The following RPS9 variants were observed in gnomAD, a reference collection of about 807,000 sequenced individuals.
The protein encoded by RPS9 is small ribosomal subunit protein uS4.
In RPS9, 1 loss-of-function variant was observed where a neutral mutation model predicts 16.9. The observed-to-expected ratio is 0.06, with a 90% CI of 0.02 to 0.28. RPS9 has a LOEUF of 0.28. Among genes scored for constraint, RPS9 ranks in the 10% least tolerant of loss-of-function variants. The pLI, the probability that RPS9 is intolerant of heterozygous loss-of-function variation, is 1.00. For missense variants in RPS9, 137 were observed against 273.2 expected, an observed-to-expected ratio of 0.50 and a Z score of 3.51; for synonymous variants, 106 against 110.9, an observed-to-expected ratio of 0.96 and a Z score of 0.28.
intron 3 of RPS9, 157 bp downstream of exon 3, chr19:54,201,766 A>G: frequency 7.0e-7 from 1 of 1,429,098 alleles, no homozygotes; most frequent in Non-Finnish European, 9.2e-7. Flanking sequence ...GGAAAAGTGT[A>G]TCTGGATCAG....
intron 3 of RPS9, among the ~76,000 whole-genome samples, chr19:54,204,706 A>C (rs1225221747): frequency 1.3e-5 from 2 of 152,174 alleles, no homozygotes; most frequent in Admixed American, 1.3e-4. Context: ...GGCATAAGGG[A>C]CTGTGCGTGG....
Position 54,203,780 on chromosome 19 carries a change from AC to A in RPS9, c.220+2177del, listed in dbSNP as rs74180581. Reference sequence around the variant, plus strand: ...ACAAAACAACACGAACTCCCCCCCCACCCCCCAGCACAACTGTGAAGAAATG... The same window carrying A: ...ACAAAACAACACGAACTCCCCCCCCACCCCCAGCACAACTGTGAAGAAATG... On this transcript the variant is annotated intron_variant, in intron 3 of 4. Coordinates refer to ENST00000302907, the MANE Select transcript of RPS9 (RefSeq NM_001013.4). Among the ~76,000 whole-genome samples, 135 of 102,838 alleles carry A rather than the reference AC, an allele frequency of 1.3e-3. 1 individual carries two copies. The highest frequency in any genetic ancestry group is 4.9e-3 in the Middle Eastern group (1 of 204). 67.5% of individuals were successfully genotyped at this position (102,838 alleles called of 152,430 possible). A position where few individuals can be genotyped will look rare whatever the true frequency, so the allele number is the denominator to read the frequency against.
chr19:54,205,481 T>C (rs1170919737), intron 3 of RPS9, among the ~76,000 whole-genome samples: 1 of 151,972 alleles, frequency 6.6e-6, no homozygotes, highest in Non-Finnish European at 1.5e-5. Context: ...AATTCTAGTG[T>C]TAGAAATTAC....
intron 4 of RPS9, 26 bp from the exon 5 acceptor site, chr19:54,207,372 C>A (rs772180236): frequency 6.3e-7 from 1 of 1,587,556 alleles, no homozygotes; most frequent in South Asian, 1.1e-5. Context: ...CTCCTCCAGT[C>A]CACCTCACCT....
intron 1 of RPS9, 108 bp from the exon 2 acceptor site, chr19:54,201,052 A>C: frequency 1.3e-6 from 2 of 1,497,382 alleles, no homozygotes; most frequent in Non-Finnish European, 1.8e-6. Context: ...AGAGCGTTGG[A>C]GGTTATTCTC....
chr19:54,201,127 G>C, intron 1 of RPS9, 33 bp from the exon 2 acceptor site: 1 of 1,611,180 alleles, frequency 6.2e-7, no homozygotes, highest in African/African-American at 1.3e-5. Flanking sequence ...GCGCCGTTTG[G>C]ATCCCTTACG....
At chr19:54,200,919 G>C in intron 1 of RPS9, 31 bp downstream of exon 1, 1 of 1,378,468 alleles carries the variant, frequency 7.3e-7, no homozygotes, top group Non-Finnish European at 9.4e-7. Context: ...TTTTCTCTAG[G>C]GTTTGGGTTG....
At chr19:54,203,370 A>AT in intron 3 of RPS9, 1 of 929,032 alleles carries the variant, frequency 1.1e-6, no homozygotes, top group Non-Finnish European at 1.3e-6. Context: ...TCCTGCCTTG[A>AT]TTCAGATCCT....
At position 54,207,513 on chromosome 19, in the gene RPS9, A is replaced by T. The variant is rs1279844269; in HGVS notation, c.523A>T (p.Arg175Trp). 1 of 1,612,948 alleles carries T rather than the reference A, an allele frequency of 6.2e-7. No individual in the cohort carries two copies. The highest frequency in any genetic ancestry group is 8.5e-7 in the Non-Finnish European group (1 of 1,180,034). The change falls in exon 5 of 5, where the codon AGG (arginine) becomes TGG (tryptophan). Residue 175 changes from arginine to tryptophan, a missense_variant. Physicochemically the swap from Arg to Trp is moderately radical, Grantham distance 101. Around this residue, in one of 3 missense-constraint regions of RPS9, gnomAD observed 54 missense variants for 90.9 expected, o/e 0.59. Coordinates refer to ENST00000302907, the MANE Select transcript of RPS9 (RefSeq NM_001013.4). ...YGGGRPGRVK[R>W]KNAKKGQGGA... ...GGGTGGCCGCCCGGGCCGCGTGAAG[A>T]GGAAGAATGCCAAGAAGGGCCAGGG... is the stretch of plus-strand genomic sequence containing the variant.
intron 3 of RPS9, chr19:54,202,309 C>G (rs2077086558): frequency 2.1e-6 from 1 of 468,024 alleles, no homozygotes; most frequent in Non-Finnish European, 2.8e-6. Context: ...TCTTAGCCTC[C>G]TAAGTAGCTG....
At position 54,203,781 on chromosome 19, in the gene RPS9, C is replaced by A. The variant is rs202017807; in HGVS notation, c.220+2172C>A. On this transcript the variant is annotated intron_variant, in intron 3 of 4. Transcript: ENST00000302907. ...CAAAACAACACGAACTCCCCCCCCACCCCCCAGCACAACTGTGAAGAAATG... is the reference window on the plus strand; with the variant it reads ...CAAAACAACACGAACTCCCCCCCCAACCCCCAGCACAACTGTGAAGAAATG... Among the ~76,000 whole-genome samples, 254 of 133,114 alleles carry A rather than the reference C, an allele frequency of 1.9e-3. 8 individuals carry two copies. The East Asian group carries it at 0.035, about 18-fold the overall frequency. The allele number at this position is 133,114 out of a possible 152,430, so 87.3% of individuals were successfully genotyped here. A position where few individuals can be genotyped will look rare whatever the true frequency, so the allele number is the denominator to read the frequency against.
At chr19:54,207,361 T>A (rs1194741249) in intron 4 of RPS9, 37 bp from the exon 5 acceptor site, 2 of 1,563,160 alleles carry the variant, frequency 1.3e-6, no homozygotes, top group Admixed American at 3.5e-5. Context: ...AGCGTCCGTT[T>A]CTCCTCCAGT....
chr19:54,202,600 C>T (rs1030642912), intron 3 of RPS9: 41 of 985,200 alleles, frequency 4.2e-5, no homozygotes, highest in Non-Finnish European at 4.8e-5. Flanking sequence ...TCTTAACCAT[C>T]TTGTTTTAAA....
intron 3 of RPS9, chr19:54,202,699 T>G: frequency 1.0e-6 from 1 of 985,462 alleles, no homozygotes; most frequent in Non-Finnish European, 1.2e-6. Flanking sequence ...GAGACGCTGC[T>G]TTTGCCTGAG....
At chr19:54,204,322 G>A (rs947734130) in intron 3 of RPS9, among the ~76,000 whole-genome samples, 5 of 152,220 alleles carry the variant, frequency 3.3e-5, no homozygotes, top group Non-Finnish European at 7.3e-5. Flanking sequence ...CCGAGATCAC[G>A]CCATTGCACT....
At chr19:54,202,189 C>G (rs1275737403) in intron 3 of RPS9, among the ~76,000 whole-genome samples, 1 of 151,798 alleles carries the variant, frequency 6.6e-6, no homozygotes, top group African/African-American at 2.4e-5. Context: ...CCACACCTGG[C>G]TAATTTTACT....
intron 3 of RPS9, 63 bp from the exon 4 acceptor site, chr19:54,206,213 G>T: frequency 6.5e-7 from 1 of 1,544,628 alleles, no homozygotes; most frequent in Non-Finnish European, 8.8e-7. Flanking sequence ...GCGGAGCCAG[G>T]ATTTGAACCC....
At chr19:54,203,741 G>T (rs1277184788) in intron 3 of RPS9, among the ~76,000 whole-genome samples, 1 of 151,690 alleles carries the variant, frequency 6.6e-6, no homozygotes, top group Admixed American at 6.6e-5. Context: ...CACTGCACTG[G>T]GTGACAGCGA....
intron 3 of RPS9, among the ~76,000 whole-genome samples, chr19:54,204,104 G>A (rs2077159061): frequency 6.6e-6 from 1 of 152,190 alleles, no homozygotes; most frequent in Non-Finnish European, 1.5e-5. Flanking sequence ...GTGGGCCTGA[G>A]TGCAGTGGCT....
Sources: allele counts gnomAD v4.1 joint callset (sites outside exome capture counted in the v4.1 genomes callset), GRCh38; gene constraint gnomAD v4.1.1; regional missense constraint gnomAD v4.1.1; transcripts MANE v1.5; gene names NCBI Gene and HGNC (gene_info 2026-07-23, HGNC 2026-07-21).